Variants in EFCAB6 observed in about 807,000 individuals in gnomAD.
EFCAB6 encodes EF-hand calcium binding domain 6, also known as EF-hand calcium-binding domain-containing protein 6.
EFCAB6 carries 156 observed loss-of-function variants against 169.8 expected under a neutral mutation model. The ratio of observed to expected loss-of-function variants is 0.92; its 90% CI spans 0.81 to 1.05. EFCAB6 has a LOEUF of 1.05. EFCAB6 is among the 50% of genes least tolerant of loss of function. The pLI is 0.00. For missense variants in EFCAB6, 1,800 were observed against 1,829.1 expected, an observed-to-expected ratio of 0.98 and a Z score of 0.29; for synonymous variants, 698 against 676.4, an observed-to-expected ratio of 1.03 and a Z score of -0.50.
chr22:43,647,079 C>A (rs978473277), intron 17 of EFCAB6, among the ~76,000 whole-genome samples: 1 of 151,070 alleles, frequency 6.6e-6, no homozygotes, highest in African/African-American at 2.4e-5. Context: ...CAGGGGTATA[C>A]GGGAACTTTG....
chr22:43,751,405 A>T (rs527849351), intron 6 of EFCAB6, among the ~76,000 whole-genome samples: 91 of 152,310 alleles, frequency 6.0e-4, no homozygotes, highest in Non-Finnish European at 1.1e-3. Context: ...TAGATGGAAT[A>T]AAAAAACTTA....
intron 1 of EFCAB6, among the ~76,000 whole-genome samples, chr22:43,810,228 G>T (rs1383363440): frequency 6.6e-6 from 1 of 152,070 alleles, no homozygotes; most frequent in African/African-American, 2.4e-5. Context: ...AAAGTATGAG[G>T]GACCAAACTG....
At chr22:43,560,694 G>T (rs1430679857) in intron 26 of EFCAB6, among the ~76,000 whole-genome samples, 1 of 152,198 alleles carries the variant, frequency 6.6e-6, no homozygotes, top group East Asian at 1.9e-4. Flanking sequence ...AGCGTGGGAG[G>T]TAACATTATC....
chr22:43,796,077 A>C (rs972397157), intron 2 of EFCAB6, among the ~76,000 whole-genome samples: 21 of 151,674 alleles, frequency 1.4e-4, no homozygotes, highest in African/African-American at 5.1e-4. Flanking sequence ...CATGCACACC[A>C]CATGTCCTTC....
chr22:43,745,593 G>A (rs2060532231), intron 6 of EFCAB6, among the ~76,000 whole-genome samples: 1 of 152,162 alleles, frequency 6.6e-6, no homozygotes, highest in African/African-American at 2.4e-5. Context: ...TGGCTCAGCA[G>A]CAAGCGGAAG....
chr22:43,531,043 C>T (rs1207305032), intron 30 of EFCAB6, 79 bp from the exon 31 acceptor site: 3 of 1,581,472 alleles, frequency 1.9e-6, no homozygotes, highest in Non-Finnish European at 2.6e-6. Flanking sequence ...GCCTCGCCCC[C>T]GCCTCGCCCA....
chr22:43,647,709 G>A (rs928083409), intron 17 of EFCAB6, among the ~76,000 whole-genome samples: 6 of 152,262 alleles, frequency 3.9e-5, no homozygotes, highest in Middle Eastern at 3.4e-3. Flanking sequence ...AGAGAAATTT[G>A]GACAGAGGCA....
chr22:43,578,108 G>A (rs1429018308), intron 25 of EFCAB6, among the ~76,000 whole-genome samples: 1 of 152,116 alleles, frequency 6.6e-6, no homozygotes, highest in Non-Finnish European at 1.5e-5. Flanking sequence ...GAAAAGAAGG[G>A]CTGCGACAAG....
chr22:43,731,838 G>A (rs2059962578), intron 7 of EFCAB6, 27 bp from the exon 8 acceptor site: 8 of 1,409,544 alleles, frequency 5.7e-6, no homozygotes, highest in Non-Finnish European at 6.7e-6. Context: ...CTTTAGTAAT[G>A]AGAAATTATG....
intron 26 of EFCAB6, among the ~76,000 whole-genome samples, chr22:43,558,022 A>T (rs2048810728): frequency 6.6e-6 from 1 of 152,266 alleles, no homozygotes; most frequent in Admixed American, 6.5e-5. Flanking sequence ...GTATTAATCA[A>T]AAATTATCTG....
At chr22:43,753,979 CT>C (rs1194851183) in intron 6 of EFCAB6, among the ~76,000 whole-genome samples, 5 of 152,188 alleles carry the variant, frequency 3.3e-5, no homozygotes, top group Admixed American at 2.0e-4. Flanking sequence ...ATTCCTAAGT[CT>C]TTTTCTCAGT....
intron 6 of EFCAB6, among the ~76,000 whole-genome samples, chr22:43,740,488 C>T (rs188777539): frequency 6.6e-6 from 1 of 152,310 alleles, no homozygotes; most frequent in South Asian, 2.1e-4. Context: ...CAGGACCAAT[C>T]CTGAGTGCAG....
Position 43,628,432 on chromosome 22 carries a change from C to T in EFCAB6, c.2233-1753G>A, listed in dbSNP as rs1222069774. ...CCTGCAGGAACCTCGTGATGGCTCC[C>T]AGCTGCCATCGTCGGCTCCGTGGCC... On this transcript the variant is annotated intron_variant, in intron 19 of 31. Transcript: ENST00000262726. The surrounding 1 kb of genome is among the most constrained non-coding windows in gnomAD (Gnocchi z 4.8). 1.3e-5 allele frequency among the ~76,000 whole-genome samples: 2 copies of T among 152,184 alleles called. No homozygotes were observed. The highest frequency in any genetic ancestry group is 2.9e-5 in the Non-Finnish European group (2 of 68,038).
intron 6 of EFCAB6, among the ~76,000 whole-genome samples, chr22:43,740,380 A>T (rs1420380854): frequency 6.6e-6 from 1 of 152,056 alleles, no homozygotes; most frequent in Non-Finnish European, 1.5e-5. Context: ...GGAATGAATG[A>T]ATCTGTCTCC....
chr22:43,578,439 G>A (rs905022885), intron 25 of EFCAB6, among the ~76,000 whole-genome samples: 3 of 152,166 alleles, frequency 2.0e-5, no homozygotes, highest in South Asian at 2.1e-4. Context: ...TCTGGGTGCC[G>A]GCTTCCCACA....
intron 6 of EFCAB6, among the ~76,000 whole-genome samples, chr22:43,737,467 T>G (rs1054123379): frequency 7.1e-6 from 1 of 141,648 alleles, no homozygotes; most frequent in African/African-American, 2.7e-5. Flanking sequence ...CACACACCCC[T>G]GTGCATATAT....
intron 26 of EFCAB6, chr22:43,570,034 C>A (rs187633046): frequency 2.6e-5 from 4 of 152,194 alleles, no homozygotes; most frequent in Non-Finnish European, 5.9e-5. Context: ...CTGTTGGCAG[C>A]GAATATAAAT....
At chr22:43,586,666 T>C (rs12627976) in intron 24 of EFCAB6, among the ~76,000 whole-genome samples, 26,066 of 152,010 alleles carry the variant, frequency 0.17, 2,488 homozygotes, top group Middle Eastern at 0.24. Flanking sequence ...TCTAGTTCTG[T>C]TACCACTCAA....
intron 4 of EFCAB6, among the ~76,000 whole-genome samples, chr22:43,770,298 A>T (rs1312398670): frequency 6.6e-6 from 1 of 152,144 alleles, no homozygotes; most frequent in Admixed American, 6.5e-5. Context: ...ACCACACCTG[A>T]CCTACTCACA....
Sources: gnomAD v4.1 joint callset for allele counts (sites outside exome capture counted in the v4.1 genomes callset) on GRCh38, gnomAD v4.1.1 for gene constraint, Gnocchi (gnomAD v3.1) non-coding constraint, MANE v1.5 for transcripts, NCBI Gene and HGNC (gene_info 2026-07-23, HGNC 2026-07-21) for gene names.